The following DPP6 variants were observed in gnomAD, a reference collection of about 807,000 sequenced individuals.
DPP6 encodes the protein A-type potassium channel modulatory protein DPP6.
In DPP6, 69 loss-of-function variants were observed where a neutral mutation model predicts 122.6. That is an observed-to-expected ratio of 0.56 (90% CI 0.46 to 0.69). The LOEUF is 0.69. Ranked by LOEUF, DPP6 falls within the 30% of genes least tolerant of loss-of-function variation. DPP6 has a pLI of 0.00. For missense variants in DPP6, 928 were observed against 1,116.9 expected (o/e 0.83, Z 2.41); for synonymous variants, 418 against 433.1 (o/e 0.97, Z 0.43).
At chr7:153,804,267 G>C in the DPP6 span, among the ~76,000 whole-genome samples, 1 of 151,966 alleles carries the variant, frequency 6.6e-6, no homozygotes, top group East Asian at 1.9e-4. Flanking sequence ...GGCCAGACTG[G>C]TCTCGAACTC....
chr7:154,277,138 A>G (rs1273937060), intron 1 of DPP6, among the ~76,000 whole-genome samples: 1 of 152,218 alleles, frequency 6.6e-6, no homozygotes, highest in African/African-American at 2.4e-5. Context: ...CCAGCTAGGA[A>G]CATGTGTGTC....
intron 1 of DPP6, among the ~76,000 whole-genome samples, chr7:154,101,896 C>T (rs959321320): frequency 2.1e-5 from 3 of 144,030 alleles, no homozygotes; most frequent in Non-Finnish European, 4.5e-5. Context: ...CCATTGCACT[C>T]CAGCCTGGGC....
chr7:154,203,432 C>A (rs932548172), intron 1 of DPP6, among the ~76,000 whole-genome samples: 7 of 152,166 alleles, frequency 4.6e-5, no homozygotes, highest in Non-Finnish European at 1.5e-5. Flanking sequence ...CTTGTCCTCG[C>A]AGGTCATTCT....
chr7:154,474,807 T>C (rs139012857), intron 2 of DPP6, 132 bp from the exon 3 acceptor site: 1 of 639,894 alleles, frequency 1.6e-6, no homozygotes, highest in Non-Finnish European at 2.7e-6. Context: ...CTGGCTTTTA[T>C]CCCCATTCAC....
chr7:154,347,593 AT>A (rs1363887386), intron 1 of DPP6, among the ~76,000 whole-genome samples: 1 of 152,236 alleles, frequency 6.6e-6, no homozygotes, highest in Non-Finnish European at 1.5e-5. Flanking sequence ...CTGTATACAT[AT>A]AAATATGCCT....
intron 4 of DPP6, among the ~76,000 whole-genome samples, chr7:154,548,226 A>G (rs1454773930): frequency 6.6e-6 from 1 of 151,376 alleles, no homozygotes; most frequent in Non-Finnish European, 1.5e-5. Context: ...AATAAAAATA[A>G]TAAATAAGTA....
chr7:154,012,538 T>C (rs918126464), intron 1 of DPP6, among the ~76,000 whole-genome samples: 25 of 152,146 alleles, frequency 1.6e-4, no homozygotes, highest in Admixed American at 5.9e-4. Context: ...ATTCATAGAA[T>C]GGGAGAACAC....
intron 1 of DPP6, among the ~76,000 whole-genome samples, chr7:154,242,219 G>A (rs1801666883): frequency 6.6e-6 from 1 of 152,066 alleles, no homozygotes; most frequent in Non-Finnish European, 1.5e-5. Context: ...ACGTTGACAT[G>A]TACACACCCT....
At chr7:154,208,381 C>T (rs1464937907) in intron 1 of DPP6, among the ~76,000 whole-genome samples, 1 of 152,176 alleles carries the variant, frequency 6.6e-6, no homozygotes, top group Non-Finnish European at 1.5e-5. Flanking sequence ...CATACATTTC[C>T]ACCAGTTATT....
intron 17 of DPP6, among the ~76,000 whole-genome samples, chr7:154,864,174 G>A (rs1398587893): frequency 1.3e-5 from 2 of 152,216 alleles, no homozygotes; most frequent in Non-Finnish European, 2.9e-5. Flanking sequence ...TTTATTTCTT[G>A]TAGAAATGTG....
chr7:153,748,208 C>T, the DPP6 span, among the ~76,000 whole-genome samples: 1 of 152,114 alleles, frequency 6.6e-6, no homozygotes, highest in Non-Finnish European at 1.5e-5. Flanking sequence ...GCTCCTCCTC[C>T]GCCCACTCCA....
intron 5 of DPP6, among the ~76,000 whole-genome samples, chr7:154,623,537 AACACACAC>A (rs563902240): frequency 2.0e-5 from 3 of 152,054 alleles, no homozygotes; most frequent in Non-Finnish European, 2.9e-5. Flanking sequence ...GGATTTTACA[AACACACAC>A]ACACGCACAC....
At chr7:154,776,262 T>A (rs62473869) in intron 10 of DPP6, among the ~76,000 whole-genome samples, 2 of 139,266 alleles carry the variant, frequency 1.4e-5, no homozygotes, top group South Asian at 4.6e-4. Context: ...GATAGATAGA[T>A]GATTGATAGA....
At chr7:154,450,349 A>T (rs929569615) in intron 2 of DPP6, among the ~76,000 whole-genome samples, 2 of 152,234 alleles carry the variant, frequency 1.3e-5, no homozygotes, top group African/African-American at 4.8e-5. Flanking sequence ...TGATACATGT[A>T]TGACTCTGTT....
intron 19 of DPP6, 87 bp downstream of exon 19, chr7:154,872,780 A>T: frequency 1.3e-6 from 2 of 1,546,700 alleles, no homozygotes; most frequent in Non-Finnish European, 8.7e-7. Flanking sequence ...CTCTTAAGAA[A>T]AGATAAGCAG....
intron 12 of DPP6, among the ~76,000 whole-genome samples, chr7:154,800,163 T>C (rs1798276552): frequency 6.6e-6 from 1 of 152,262 alleles, no homozygotes; most frequent in Non-Finnish European, 1.5e-5. Context: ...TCCTCTGCTT[T>C]TAAATACCAT....
At chr7:153,906,625 A>AT (rs1192367393) in intron 1 of DPP6, among the ~76,000 whole-genome samples, 3 of 151,870 alleles carry the variant, frequency 2.0e-5, no homozygotes, top group Non-Finnish European at 4.4e-5. Flanking sequence ...TAATTTTTGT[A>AT]TTTTTTTGTA....
At chr7:154,007,245 T>C (rs1263128494) in intron 1 of DPP6, among the ~76,000 whole-genome samples, 1 of 152,258 alleles carries the variant, frequency 6.6e-6, no homozygotes, top group African/African-American at 2.4e-5. Context: ...GGGCTTCTTA[T>C]AAAAGAATCC....
chr7:154,298,479 C>A (rs1805689950), intron 1 of DPP6, among the ~76,000 whole-genome samples: 1 of 152,154 alleles, frequency 6.6e-6, no homozygotes. Flanking sequence ...TCTTATTGCA[C>A]CTCCACATTC....
Sources: allele counts gnomAD v4.1 joint callset (sites outside exome capture counted in the v4.1 genomes callset), GRCh38; gene constraint gnomAD v4.1.1; transcripts MANE v1.5; gene names NCBI Gene and HGNC (gene_info 2026-07-23, HGNC 2026-07-21).